Variants in PKN3 observed in about 807,000 individuals in gnomAD.
PKN3 encodes the protein protein kinase N3, also known as serine/threonine-protein kinase N3.
A neutral mutation model predicts 113.1 loss-of-function variants in PKN3; 91 were observed. That is an observed-to-expected ratio of 0.80 (90% CI 0.68 to 0.96). The LOEUF (loss-of-function observed/expected upper bound fraction) is 0.96, where lower values mean the gene tolerates loss of function less well. Ranked by LOEUF, PKN3 falls within the 40% of genes least tolerant of loss-of-function variation. The pLI is 0.00. For missense variants in PKN3, 1,052 were observed against 1,202.2 expected, an observed-to-expected ratio of 0.88 and a Z score of 1.85; for synonymous variants, 467 against 499.0, an observed-to-expected ratio of 0.94 and a Z score of 0.85.
Position 128,705,879 on chromosome 9 carries a change from G to A in PKN3, c.411G>A (p.Lys137=). ...MTHTCASGTP[K]ERKLLAAAQQ... is the part of the protein sequence containing the mutation. ...ACACGTGCGCCAGTGGCACCCCCAA[G>A]GTAAGGCCCCACAGTCTGATGGCAG... The change falls in exon 3 of 22, where the codon AAG becomes AAA. Residue 137 remains lysine (K), a splice_region_variant and synonymous_variant. Coordinates refer to ENST00000291906, the MANE Select transcript of PKN3 (RefSeq NM_013355.5). The A allele has an allele frequency of 1.9e-6, 3 of 1,589,098 alleles. No homozygotes were observed. The highest frequency in any genetic ancestry group is 1.7e-6 in the Non-Finnish European group (2 of 1,164,704).
In PKN3 at chr9:128,716,934, T is replaced by C. The variant is rs1445630016; in HGVS notation, c.1985+11T>C. 1 of 1,611,756 alleles carries C rather than the reference T, an allele frequency of 6.2e-7. No individual in the cohort carries two copies. The highest frequency in any genetic ancestry group is 8.5e-7 in the Non-Finnish European group (1 of 1,178,518). On this transcript the variant is annotated intron_variant, in intron 16 of 21. Transcript: ENST00000291906. Reference sequence around the variant, plus strand: ...CGAGCCCCAGGCCCGGTGGGTTCCATCCCTCCTGCCTGCCTCTTCCAGCAA... The same window carrying C: ...CGAGCCCCAGGCCCGGTGGGTTCCACCCCTCCTGCCTGCCTCTTCCAGCAA...
chr9:128,714,202 G>C lies in PKN3; in HGVS notation c.1318G>C (p.Asp440His), dbSNP rs779228645. 8.7e-6 allele frequency: 14 copies of C among 1,613,980 alleles called. No homozygotes were observed. Among genetic ancestry groups the C allele is most frequent in the Non-Finnish European group, 8.5e-6 (10 of 1,179,922 alleles). The part of the protein sequence containing the change: ...ERIFSKRRGQ[D>H]FLRASQMNLG... ...AGCTCCCCCTTTTCTCCCAGGCCAG[G>C]ACTTCCTGAGGGCTTCGCAGATGAA... is the stretch of plus-strand genomic sequence containing the variant. Residue 440 changes from aspartate (D) to histidine (H), a missense_variant, in exon 11 of 22, where the codon GAC becomes CAC. Transcript: ENST00000291906.
Position 128,706,788 on chromosome 9 carries a change from A to G in PKN3, c.487A>G (p.Ile163Val), listed in dbSNP as rs1189050315. The change falls in exon 4 of 22, where the codon ATC (isoleucine) becomes GTC (valine). Residue 163 changes from isoleucine (I) to valine (V), a missense_variant. Transcript: ENST00000291906. ...GAAGGTGGCCCTGCTGCGGATGAAGATCAGCAGCCTGGAGGCCAGTGGGTC... is the reference window on the plus strand; with the variant it reads ...GAAGGTGGCCCTGCTGCGGATGAAGGTCAGCAGCCTGGAGGCCAGTGGGTC... ...QLKVALLRMKISSLEASGSPE... is the reference protein window; with the variant it reads ...QLKVALLRMKVSSLEASGSPE... 1.9e-6 allele frequency: 3 copies of G among 1,610,876 alleles called. No homozygotes were observed. Among genetic ancestry groups the G allele is most frequent in the African/African-American group, 2.7e-5 (2 of 75,024 alleles).
Position 128,705,764 on chromosome 9 carries a change from C to T in PKN3, c.296C>T (p.Ala99Val), listed in dbSNP as rs748781527. The T allele has an allele frequency of 3.1e-6, 5 of 1,608,050 alleles. No individual in the cohort carries two copies. The South Asian group carries it at 4.5e-5, about 14-fold the overall frequency. ...GTGGCCTCAGGACCCCGGCCGTGGG[C>T]AGAGCAGCTCAGGGCTCGGCACCTA... ...EPVASGPRPWAEQLRARHLEA... is the reference protein window; with the variant it reads ...EPVASGPRPWVEQLRARHLEA... Residue 99 changes from alanine (A) to valine (V), a missense_variant, in exon 3 of 22, where the codon GCA becomes GTA. Physicochemically the swap from Ala to Val is moderately conservative, Grantham distance 64 (BLOSUM62 0). Transcript: ENST00000291906.
intron 3 of PKN3, among the ~76,000 whole-genome samples, chr9:128,706,299 C>T (rs1862013518): frequency 6.6e-6 from 1 of 151,076 alleles, no homozygotes; most frequent in African/African-American, 2.4e-5. Context: ...AGCTTAGCCC[C>T]TGCCCTCATC....
Position 128,714,229 on chromosome 9 carries a change from C to G in PKN3, c.1345C>G (p.Leu449Val), listed in dbSNP as rs1862268832. 5.6e-6 allele frequency: 9 copies of G among 1,614,014 alleles called. No homozygotes were observed. The highest frequency in any genetic ancestry group is 7.6e-6 in the Non-Finnish European group (9 of 1,179,974). The change falls in exon 11 of 22, where the codon CTC becomes GTC. Residue 449 changes from leucine to valine, a missense_variant. By Grantham distance (32) the Leu-to-Val change is conservative (BLOSUM62 1). Around this residue, in one of 2 missense-constraint regions of PKN3, gnomAD observed 719 missense variants for 759.4 expected, o/e 0.95. Transcript: ENST00000291906. ...QDFLRASQMNLGMAAWGRLVM... is the reference protein window; with the variant it reads ...QDFLRASQMNVGMAAWGRLVM... ...CTTCCTGAGGGCTTCGCAGATGAAC[C>G]TCGGCATGGCGGCCTGGGGGCGCCT...
At chr9:128,719,343 C>T (rs565238298) in intron 18 of PKN3, among the ~76,000 whole-genome samples, 60 of 151,930 alleles carry the variant, frequency 3.9e-4, no homozygotes, top group African/African-American at 1.4e-3. Flanking sequence ...GCACATGCCA[C>T]CACACCCAGC....
intron 18 of PKN3, 75 bp downstream of exon 18, chr9:128,718,700 G>C: frequency 1.5e-6 from 2 of 1,345,176 alleles, no homozygotes; most frequent in Non-Finnish European, 2.1e-6. Flanking sequence ...TGGGCACATG[G>C]CATGTCCCAG....
rs555676745 is a variant in PKN3, at chr9:128,715,314, C to T, written c.1717-55C>T. ...GCCGGGAGGACCTGATCTGTGGGGG[C>T]GGTAAAGGCTCCCTGGTCTGGCCCA... On this transcript the variant is annotated intron_variant, in intron 14 of 21. Coordinates refer to ENST00000291906, the MANE Select transcript of PKN3 (RefSeq NM_013355.5). This position sits in a 1 kb window ranked among gnomAD's most constrained non-coding sequence, Gnocchi z 4.1. The T allele has an allele frequency of 9.0e-5, 145 of 1,602,646 alleles. No individual in the cohort carries two copies. Among genetic ancestry groups the T allele is most frequent in the Middle Eastern group, 4.9e-4 (3 of 6,070 alleles).
intron 6 of PKN3, among the ~76,000 whole-genome samples, chr9:128,709,295 A>AT (rs201014735): frequency 0.022 from 1,628 of 75,394 alleles, 45 homozygotes; most frequent in African/African-American, 0.039. Context: ...AAAAAAAATA[A>AT]AAAAATAAAA....
Position 128,702,799 on chromosome 9 carries a change from C to T in PKN3, c.-117C>T, listed in dbSNP as rs1861892195. The T allele has an allele frequency of 1.3e-6, 1 of 772,330 alleles. No homozygotes were observed. The highest frequency in any genetic ancestry group is 1.6e-5 in the South Asian group (1 of 62,690). 47.8% of individuals were successfully genotyped at this position (772,330 alleles called of 1,614,324 possible). A position where few individuals can be genotyped will look rare whatever the true frequency, so the allele number is the denominator to read the frequency against. On this transcript the variant is annotated 5_prime_UTR_variant, in exon 1 of 22. Transcript: ENST00000291906. ...GGGTCTCGGGAGGGGGCGCCCGATC[C>T]CGCGTCTCCGGCGCCGCTTCCCGGG...
intron 1 of PKN3, chr9:128,703,309 C>T (rs1363791226): frequency 1.7e-5 from 16 of 927,408 alleles, no homozygotes; most frequent in Non-Finnish European, 1.9e-5. Flanking sequence ...GATAGAAAGG[C>T]GGGGCACAGG....
chr9:128,704,721 C>G (rs1861954905), intron 1 of PKN3, among the ~76,000 whole-genome samples: 1 of 152,042 alleles, frequency 6.6e-6, no homozygotes, highest in South Asian at 2.1e-4. Context: ...GGATTCAAGA[C>G]CAGCCTGACG....
intron 9 of PKN3, 48 bp from the exon 10 acceptor site, chr9:128,713,998 G>C (rs1862259879): frequency 6.3e-7 from 1 of 1,592,048 alleles, no homozygotes; most frequent in Non-Finnish European, 8.6e-7. Context: ...TGCCATGGCA[G>C]ATGAGATGGG....
At chr9:128,714,527 C>A in intron 11 of PKN3, 35 bp from the exon 12 acceptor site, 1 of 952,218 alleles carries the variant, frequency 1.1e-6, no homozygotes, top group Non-Finnish European at 1.7e-6. Flanking sequence ...TTGCGTCTGC[C>A]TGTGCTGGGC....
At position 128,702,890 on chromosome 9, in the gene PKN3, G is replaced by A. The variant is rs1462795999; in HGVS notation, c.-26G>A. ...TCCGGGACCGGAGTGGCTGAGAGAA[G>A]GGCCCCAAGCGGCCGGAGCGGCGCC... On this transcript the variant is annotated 5_prime_UTR_variant, in exon 1 of 22. Transcript: ENST00000291906. 1.4e-6 allele frequency: 2 copies of A among 1,478,312 alleles called. No homozygotes were observed. The highest frequency in any genetic ancestry group is 1.8e-6 in the Non-Finnish European group (2 of 1,112,602). 91.6% of individuals were successfully genotyped at this position (1,478,312 alleles called of 1,614,324 possible). A position where few individuals can be genotyped will look rare whatever the true frequency, so the allele number is the denominator to read the frequency against.
At chr9:128,713,710 A>G in intron 9 of PKN3, 68 bp downstream of exon 9, 5 of 1,495,616 alleles carry the variant, frequency 3.3e-6, no homozygotes, top group Non-Finnish European at 4.6e-6. Flanking sequence ...GGCCTTCAAG[A>G]CCGATGCACT....
In PKN3 at chr9:128,705,285, T is replaced by G. The variant is rs1181423014; in HGVS notation, c.25-18T>G. ...CCCATGGCTGTTCTCCACCCTCTGC[T>G]TTCCACCGGCTCTGCAGCCTGGGCC... On this transcript the variant is annotated intron_variant, in intron 1 of 21. Transcript: ENST00000291906. 4 of 1,549,652 alleles carry G rather than the reference T, an allele frequency of 2.6e-6. No individual in the cohort carries two copies. In the Admixed American group the frequency reaches 8.0e-5, roughly 31 times the overall value.
intron 1 of PKN3, chr9:128,703,532 C>CT: frequency 1.0e-6 from 1 of 985,310 alleles, no homozygotes; most frequent in South Asian, 4.7e-5. Flanking sequence ...GCAGTAGGTG[C>CT]GCGTGGGCCC....
Sources: allele counts gnomAD v4.1 joint callset (sites outside exome capture counted in the v4.1 genomes callset), GRCh38; gene constraint gnomAD v4.1.1; regional missense constraint gnomAD v4.1.1; non-coding constraint Gnocchi (gnomAD v3.1); transcripts MANE v1.5; gene names NCBI Gene and HGNC (gene_info 2026-07-23, HGNC 2026-07-21).